The following RASAL2 variants were observed in gnomAD, a reference collection of about 807,000 sequenced individuals.
RASAL2 encodes RAS protein activator like 2, also known as ras GTPase-activating protein nGAP.
In RASAL2, 58 loss-of-function variants were observed where a neutral mutation model predicts 128.9. That is an observed-to-expected ratio of 0.45 (90% CI 0.36 to 0.56). The LOEUF (loss-of-function observed/expected upper bound fraction) is 0.56, where lower values mean the gene tolerates loss of function less well. Ranked by LOEUF, RASAL2 falls within the 20% of genes least tolerant of loss-of-function variation. The pLI is 0.00. For synonymous variants in RASAL2, 561 were observed against 580.8 expected (o/e 0.97, Z 0.49); for missense variants, 1,360 against 1,601.6 (o/e 0.85, Z 2.57).
intron 2 of RASAL2, among the ~76,000 whole-genome samples, chr1:178,295,243 CAA>C (rs781677519): frequency 8.7e-6 from 1 of 115,366 alleles, no homozygotes; most frequent in Non-Finnish European, 1.9e-5. Context: ...TTTTTTCTCC[CAA>C]AAAAAAAAAA....
intron 1 of RASAL2, among the ~76,000 whole-genome samples, chr1:178,242,423 TTCTCTCTCTCTCTCTC>T (rs58914415): frequency 0.058 from 4,952 of 85,136 alleles, 344 homozygotes; most frequent in African/African-American, 0.07. Flanking sequence ...TTATAATTCA[TTCTCTCTCTCTCTCTC>T]TCTCTCTCTC....
chr1:178,194,132 T>C (rs1295305275), intron 1 of RASAL2, among the ~76,000 whole-genome samples: 1 of 152,200 alleles, frequency 6.6e-6, no homozygotes, highest in African/African-American at 2.4e-5. Context: ...GAACAAGAAC[T>C]ATCACCCATC....
intron 1 of RASAL2, among the ~76,000 whole-genome samples, chr1:178,155,433 C>A (rs1571556109): frequency 1.5e-5 from 2 of 133,560 alleles, no homozygotes; most frequent in Non-Finnish European, 3.2e-5. Context: ...CCCTGAAGAA[C>A]ATAGCTCACT....
chr1:178,230,789 C>T (rs1213580803), intron 1 of RASAL2, among the ~76,000 whole-genome samples: 3 of 152,110 alleles, frequency 2.0e-5, no homozygotes, highest in Non-Finnish European at 2.9e-5. Context: ...TGTCTCCATT[C>T]GATCATGGAC....
Position 178,473,335 on chromosome 1 carries a change from C to G in RASAL2, c.*96C>G. On this transcript the variant is annotated 3_prime_UTR_variant, in exon 18 of 18. Transcript: ENST00000367649. ...CCTCCAGGTTTACAGAATGTTGCTA[C>G]TTCACAATGGCGATGTGGTGAGAAA... is the stretch of plus-strand genomic sequence containing the variant. 6.9e-7 allele frequency: 1 copy of G among 1,450,892 alleles called. No homozygotes were observed. Among genetic ancestry groups the G allele is most frequent in the Non-Finnish European group, 9.5e-7 (1 of 1,053,378 alleles). 89.9% of individuals were successfully genotyped at this position (1,450,892 alleles called of 1,614,324 possible).
rs1273497564 is a variant in RASAL2, at chr1:178,180,929, A to G, written c.202+86235A>G. 2.0e-5 allele frequency among the ~76,000 whole-genome samples: 3 copies of G among 152,290 alleles called. 1 individual carries two copies. The East Asian group carries it at 5.8e-4, about 29-fold the overall frequency. On this transcript the variant is annotated intron_variant, in intron 1 of 17. Transcript: ENST00000367649. ...TTCTGCTTCTCAGGTTTCATATCACATAAGAAACAGATACACATTTCTTCT... is the reference window on the plus strand; with the variant it reads ...TTCTGCTTCTCAGGTTTCATATCACGTAAGAAACAGATACACATTTCTTCT...
At chr1:178,179,307 CCACT>C (rs1213443365) in intron 1 of RASAL2, among the ~76,000 whole-genome samples, 1 of 152,166 alleles carries the variant, frequency 6.6e-6, no homozygotes. Flanking sequence ...TTCTGAAACA[CCACT>C]GACTGAGGCA....
chr1:178,134,231 A>G (rs1248112404), intron 1 of RASAL2, among the ~76,000 whole-genome samples: 1 of 152,090 alleles, frequency 6.6e-6, no homozygotes, highest in Admixed American at 6.6e-5. Flanking sequence ...TATTGTCAGG[A>G]GACTTTACTT....
chr1:178,199,177 G>A (rs1662779136), intron 1 of RASAL2, among the ~76,000 whole-genome samples: 1 of 152,228 alleles, frequency 6.6e-6, no homozygotes, highest in Non-Finnish European at 1.5e-5. Context: ...GTGTTTAGGT[G>A]GCAGTGTCCC....
intron 1 of RASAL2, among the ~76,000 whole-genome samples, chr1:178,143,090 G>C (rs762473109): frequency 1.3e-5 from 2 of 151,834 alleles, no homozygotes; most frequent in Non-Finnish European, 2.9e-5. Flanking sequence ...ATGAGATTTG[G>C]AAGGAACACA....
chr1:178,464,141 A>G, intron 14 of RASAL2, 137 bp from the exon 15 acceptor site: 3 of 1,061,532 alleles, frequency 2.8e-6, no homozygotes, highest in Non-Finnish European at 3.8e-6. Flanking sequence ...TGGCATTAGT[A>G]AAATAATACT....
intron 1 of RASAL2, among the ~76,000 whole-genome samples, chr1:178,240,273 T>A (rs147289453): frequency 1.1e-3 from 165 of 152,208 alleles, no homozygotes; most frequent in Admixed American, 4.1e-3. Flanking sequence ...TATTAGTCCC[T>A]AGATGTAGAC....
intron 3 of RASAL2, among the ~76,000 whole-genome samples, chr1:178,353,831 T>G (rs564533826): frequency 6.6e-6 from 1 of 152,200 alleles, no homozygotes; most frequent in East Asian, 1.9e-4. Flanking sequence ...TACAAGGGTG[T>G]GGTGGCTCAT....
Position 178,140,428 on chromosome 1 carries a change from T to G in RASAL2, c.202+45734T>G, listed in dbSNP as rs181047814. Among the ~76,000 whole-genome samples, 108 of 152,324 alleles carry G rather than the reference T, an allele frequency of 7.1e-4. 1 individual carries two copies. Among genetic ancestry groups the G allele is most frequent in the Non-Finnish European group, 1.4e-3 (94 of 68,014 alleles). ...TGCCATATCTCTACCATTACAGTAT[T>G]ATATAGGATAGCTTACTGCCCTGAA... is the stretch of plus-strand genomic sequence containing the variant. On this transcript the variant is annotated intron_variant, in intron 1 of 17. Coordinates refer to ENST00000367649, the MANE Select transcript of RASAL2 (RefSeq NM_170692.4).
At chr1:178,207,945 C>A (rs889774834) in intron 1 of RASAL2, among the ~76,000 whole-genome samples, 4 of 152,118 alleles carry the variant, frequency 2.6e-5, no homozygotes, top group African/African-American at 9.7e-5. Flanking sequence ...GGAGCCACGG[C>A]AGAGGAATAT....
intron 1 of RASAL2, among the ~76,000 whole-genome samples, chr1:178,252,488 T>G (rs755895698): frequency 2.0e-5 from 3 of 152,132 alleles, no homozygotes; most frequent in Non-Finnish European, 4.4e-5. Flanking sequence ...TTTATTTTGT[T>G]TTTAAGAAAA....
At chr1:178,455,531 C>T (rs1470096863) in intron 12 of RASAL2, among the ~76,000 whole-genome samples, 1 of 152,214 alleles carries the variant, frequency 6.6e-6, no homozygotes, top group Non-Finnish European at 1.5e-5. Context: ...GCTGAGGAAA[C>T]ATATGTGGTA....
At chr1:178,340,707 C>A (rs1405899667) in intron 3 of RASAL2, among the ~76,000 whole-genome samples, 1 of 152,078 alleles carries the variant, frequency 6.6e-6, no homozygotes, top group African/African-American at 2.4e-5. Context: ...AGGAGGAAAT[C>A]AGGCATCAGC....
intron 1 of RASAL2, among the ~76,000 whole-genome samples, chr1:178,109,266 T>C (rs528245638): frequency 2.6e-5 from 4 of 152,250 alleles, no homozygotes; most frequent in African/African-American, 9.6e-5. Flanking sequence ...TCACAGTTTT[T>C]TGTTTTGTTT....
Sources: allele counts gnomAD v4.1 joint callset (sites outside exome capture counted in the v4.1 genomes callset), GRCh38; gene constraint gnomAD v4.1.1; transcripts MANE v1.5; gene names NCBI Gene and HGNC (gene_info 2026-07-23, HGNC 2026-07-21).